Variants in FAAH2 observed in about 807,000 individuals in gnomAD.
FAAH2 encodes the protein fatty-acid amide hydrolase 2.
FAAH2 carries 60 observed loss-of-function variants against 36.9 expected under a neutral mutation model. The ratio of observed to expected loss-of-function variants is 1.63; its 90% CI spans 1.32 to 2.02. FAAH2 has a LOEUF of 2.02. FAAH2 is among the 30% of genes most tolerant of loss of function. The pLI is 0.00. For synonymous variants in FAAH2, 214 were observed against 143.8 expected, an observed-to-expected ratio of 1.49 and a Z score of -3.49; for missense variants, 689 against 397.5, an observed-to-expected ratio of 1.73 and a Z score of -6.23.
chrX:57,402,917 T>G (rs1468416597), intron 7 of FAAH2, among the ~76,000 whole-genome samples: 1 of 111,887 alleles, frequency 8.9e-6, no homozygotes, highest in Non-Finnish European at 1.9e-5. Context: ...ATACCAGAGA[T>G]TGACAAACTC....
the FAAH2 span, among the ~76,000 whole-genome samples, chrX:57,142,440 G>T: frequency 8.9e-6 from 1 of 111,772 alleles, no homozygotes. Context: ...TATTTCTATT[G>T]TTTTATTCCA....
chrX:57,484,332 T>C (rs1468801557), intron 10 of FAAH2, among the ~76,000 whole-genome samples: 3 of 111,067 alleles, frequency 2.7e-5, no homozygotes, highest in East Asian at 5.7e-4. Flanking sequence ...AATACTCCAA[T>C]GATGACTACA....
At chrX:57,392,730 G>A (rs959655671) in intron 7 of FAAH2, 5 of 611,746 alleles carry the variant, frequency 8.2e-6, no homozygotes, top group Middle Eastern at 3.1e-4. Context: ...TGTGCTCATC[G>A]TTCCTACTAA....
chrX:57,128,278 T>C, the FAAH2 span, among the ~76,000 whole-genome samples: 1 of 111,845 alleles, frequency 8.9e-6, no homozygotes, highest in Non-Finnish European at 1.9e-5. Context: ...TAAGAATATA[T>C]ATGTGCTTTG....
the FAAH2 span, among the ~76,000 whole-genome samples, chrX:57,203,728 G>A: frequency 8.9e-6 from 1 of 112,143 alleles, no homozygotes; most frequent in African/African-American, 3.2e-5. Flanking sequence ...TCCATCTGCA[G>A]CTCCTTTAAG....
chrX:57,323,723 G>A (rs1353327269), intron 3 of FAAH2, among the ~76,000 whole-genome samples: 6 of 57,597 alleles, frequency 1.0e-4, no homozygotes, highest in Non-Finnish European at 1.5e-4. Flanking sequence ...TGAGTTCTTT[G>A]TAGATTCTGG....
intron 10 of FAAH2, among the ~76,000 whole-genome samples, chrX:57,476,637 C>A (rs950049088): frequency 5.4e-5 from 6 of 111,013 alleles, no homozygotes; most frequent in African/African-American, 2.0e-4. Flanking sequence ...AGATGGTGGC[C>A]TGAAATTTTC....
At chrX:57,443,050 C>A (rs1298516256) in intron 8 of FAAH2, among the ~76,000 whole-genome samples, 1 of 111,764 alleles carries the variant, frequency 8.9e-6, no homozygotes, top group Non-Finnish European at 1.9e-5. Flanking sequence ...ACATTGTTTT[C>A]CTTTATTTCA....
chrX:57,363,652 G>A (rs1454414250), intron 5 of FAAH2, among the ~76,000 whole-genome samples: 2 of 111,204 alleles, frequency 1.8e-5, no homozygotes, highest in Non-Finnish European at 3.8e-5. Flanking sequence ...CACTTCTCAA[G>A]GGGAACACTT....
intron 5 of FAAH2, among the ~76,000 whole-genome samples, chrX:57,354,142 G>A (rs773283878): frequency 5.4e-5 from 6 of 110,986 alleles, no homozygotes; most frequent in Non-Finnish European, 9.5e-5. Context: ...GCACTTGTAT[G>A]TTTATACAGC....
intron 7 of FAAH2, chrX:57,381,587 T>C (rs1467192059): frequency 3.1e-6 from 2 of 638,509 alleles, no homozygotes; most frequent in African/African-American, 2.4e-5. Flanking sequence ...AGAAGGCCCT[T>C]ACATAATGGT....
the FAAH2 span, among the ~76,000 whole-genome samples, chrX:57,220,385 G>A: frequency 7.3e-5 from 8 of 110,125 alleles, no homozygotes; most frequent in South Asian, 3.9e-4. Flanking sequence ...GCCACCTTAC[G>A]CCTCTGTCTA....
chrX:57,319,147 C>T (rs1209154906), intron 3 of FAAH2, among the ~76,000 whole-genome samples: 1 of 111,724 alleles, frequency 9.0e-6, no homozygotes, highest in African/African-American at 3.2e-5. Flanking sequence ...TCCTATTCAA[C>T]ATAGTATTGG....
the FAAH2 span, among the ~76,000 whole-genome samples, chrX:57,151,485 T>G: frequency 9.0e-6 from 1 of 111,511 alleles, no homozygotes; most frequent in East Asian, 2.8e-4. Flanking sequence ...TCTCTAAACT[T>G]CCCTTCTCAC....
At chrX:57,271,912 C>T in the FAAH2 span, among the ~76,000 whole-genome samples, 2 of 110,632 alleles carry the variant, frequency 1.8e-5, no homozygotes, top group Non-Finnish European at 3.8e-5. Flanking sequence ...ATTTGATGAA[C>T]TGACAGAAGT....
At chrX:57,380,884 A>T in intron 6 of FAAH2, 28 bp from the exon 7 acceptor site, 2 of 927,212 alleles carry the variant, frequency 2.2e-6, no homozygotes, top group Non-Finnish European at 3.0e-6. Context: ...TAATTTGTTG[A>T]TGTCAGTTTC....
At chrX:57,278,278 T>G in the FAAH2 span, among the ~76,000 whole-genome samples, 1 of 111,328 alleles carries the variant, frequency 9.0e-6, no homozygotes, top group South Asian at 3.8e-4. Context: ...ACACCACACA[T>G]CTACGGCCAT....
chrX:57,128,552 C>T, the FAAH2 span, among the ~76,000 whole-genome samples: 1 of 111,004 alleles, frequency 9.0e-6, no homozygotes, highest in South Asian at 3.7e-4. Flanking sequence ...TATGCAGAGA[C>T]TGATGAAGTG....
the FAAH2 span, among the ~76,000 whole-genome samples, chrX:57,146,992 T>A: frequency 9.0e-6 from 1 of 111,534 alleles, no homozygotes; most frequent in African/African-American, 3.3e-5. Flanking sequence ...GATTTTTGTA[T>A]CTATATTAGT....
Sources: allele counts gnomAD v4.1 joint callset (sites outside exome capture counted in the v4.1 genomes callset), GRCh38; gene constraint gnomAD v4.1.1; transcripts MANE v1.5; gene names NCBI Gene and HGNC (gene_info 2026-07-23, HGNC 2026-07-21).